The following PKIG variants were observed in gnomAD, a reference collection of about 807,000 sequenced individuals.
The protein encoded by PKIG is protein kinase (cAMP-dependent, catalytic) inhibitor gamma.
PKIG carries 1 observed loss-of-function variant against 6.8 expected under a neutral mutation model. That is an observed-to-expected ratio of 0.15 (90% CI 0.05 to 0.69). The LOEUF (loss-of-function observed/expected upper bound fraction) is 0.69. PKIG is among the 30% of genes least tolerant of loss of function. PKIG has a pLI of 0.82. For synonymous variants in PKIG, 39 were observed against 43.0 expected (o/e 0.91, Z 0.36); for missense variants, 77 against 104.0 (o/e 0.74, Z 1.13).
chr20:44,592,736 T>C (rs1408327056), intron 2 of PKIG, among the ~76,000 whole-genome samples: 1 of 152,048 alleles, frequency 6.6e-6, no homozygotes, highest in South Asian at 2.1e-4. Flanking sequence ...CTGAAGCCAG[T>C]GGAGAGAGTA....
intron 1 of PKIG, among the ~76,000 whole-genome samples, chr20:44,551,531 G>C (rs2064668522): frequency 1.3e-5 from 2 of 152,098 alleles, no homozygotes; most frequent in Non-Finnish European, 2.9e-5. Context: ...GACAATTTTT[G>C]TTTCTATAAG....
upstream of PKIG, among the ~76,000 whole-genome samples, chr20:44,581,452 C>T (rs2064947590): frequency 6.6e-6 from 1 of 152,218 alleles, no homozygotes; most frequent in Non-Finnish European, 1.5e-5. Flanking sequence ...CTCAGATCCA[C>T]ATCTGTGGCT....
At chr20:44,549,160 AC>A (rs1162741460) in intron 1 of PKIG, among the ~76,000 whole-genome samples, 1 of 152,220 alleles carries the variant, frequency 6.6e-6, no homozygotes, top group Admixed American at 6.5e-5. Flanking sequence ...TTTTTCAGAT[AC>A]TAAACTTTTG....
rs1600912579 is a variant in PKIG at position 44,618,907 on chromosome 20, C to T, written c.*543C>T. ...ACTGTCATTGTGCATCTCTGAGGTT[C>T]CCTCATGGAGCTCCACAGATCCATT... On this transcript the variant is annotated 3_prime_UTR_variant, in exon 4 of 4. Transcript: ENST00000372886. 6.4e-6 allele frequency: 1 copy of T among 156,986 alleles called. No individual in the cohort carries two copies. The highest frequency in any genetic ancestry group is 2.4e-5 in the African/African-American group (1 of 41,478). 9.7% of individuals were successfully genotyped at this position (156,986 alleles called of 1,614,324 possible). A position where few individuals can be genotyped will look rare whatever the true frequency, so the allele number is the denominator to read the frequency against.
intron 1 of PKIG, among the ~76,000 whole-genome samples, chr20:44,586,231 C>G (rs188520015): frequency 6.6e-6 from 1 of 152,294 alleles, no homozygotes; most frequent in East Asian, 1.9e-4. Flanking sequence ...TGAGATAGGG[C>G]TCATAAAGCA....
At chr20:44,531,886 C>G (rs895876270), upstream of PKIG, 1 of 152,012 alleles carries the variant, frequency 6.6e-6, no homozygotes, top group African/African-American at 2.4e-5. Flanking sequence ...AGGCAACGGG[C>G]TCCGCTGCGG....
chr20:44,608,052 T>C (rs1200748657), intron 2 of PKIG, among the ~76,000 whole-genome samples: 2 of 151,788 alleles, frequency 1.3e-5, no homozygotes, highest in East Asian at 3.9e-4. Flanking sequence ...GGGGAACATA[T>C]ATATTGCATA....
intron 2 of PKIG, among the ~76,000 whole-genome samples, chr20:44,611,679 G>C (rs745665012): frequency 6.6e-6 from 1 of 151,708 alleles, no homozygotes; most frequent in African/African-American, 2.4e-5. Flanking sequence ...ACCACGCCTG[G>C]CTAATTTTTG....
intron 1 of PKIG, among the ~76,000 whole-genome samples, chr20:44,536,142 T>C (rs574122983): frequency 6.6e-6 from 1 of 152,376 alleles, no homozygotes; most frequent in South Asian, 2.1e-4. Flanking sequence ...GTGTCAGAAT[T>C]TCATTCTTTT....
At chr20:44,548,037 G>C (rs2064632086) in intron 1 of PKIG, among the ~76,000 whole-genome samples, 1 of 152,018 alleles carries the variant, frequency 6.6e-6, no homozygotes, top group South Asian at 2.1e-4. Flanking sequence ...AAATTAGCCG[G>C]GTGTGGTGTT....
At chr20:44,572,828 C>T (rs987575267) in intron 1 of PKIG, among the ~76,000 whole-genome samples, 1 of 152,120 alleles carries the variant, frequency 6.6e-6, no homozygotes, top group African/African-American at 2.4e-5. Flanking sequence ...CTTCAGCTAC[C>T]CTGACTTGAG....
intron 1 of PKIG, among the ~76,000 whole-genome samples, chr20:44,570,066 G>A (rs555246799): frequency 1.6e-4 from 25 of 152,248 alleles, no homozygotes; most frequent in Non-Finnish European, 3.1e-4. Flanking sequence ...AGGAGTTTGA[G>A]GTTACAGCGA....
chr20:44,609,492 C>G (rs2065194494), intron 2 of PKIG, among the ~76,000 whole-genome samples: 1 of 152,206 alleles, frequency 6.6e-6, no homozygotes. Flanking sequence ...CCACAGAGGA[C>G]AGGCGGGCAG....
At chr20:44,550,798 G>A (rs1357630012) in intron 1 of PKIG, among the ~76,000 whole-genome samples, 1 of 152,188 alleles carries the variant, frequency 6.6e-6, no homozygotes, top group Non-Finnish European at 1.5e-5. Flanking sequence ...GAGCTCTAGA[G>A]TCAGTGGTCT....
chr20:44,613,334 T>A (rs988320861), intron 2 of PKIG, among the ~76,000 whole-genome samples: 2 of 151,898 alleles, frequency 1.3e-5, no homozygotes, highest in East Asian at 3.9e-4. Context: ...CCCGGCTAAT[T>A]TTTTTGTATT....
chr20:44,591,864 C>T (rs1011908199), intron 2 of PKIG, among the ~76,000 whole-genome samples: 5 of 152,162 alleles, frequency 3.3e-5, no homozygotes, highest in South Asian at 2.1e-4. Flanking sequence ...AATCCTCAAG[C>T]GCACATTAAG....
intron 1 of PKIG, among the ~76,000 whole-genome samples, chr20:44,585,754 G>A (rs2064984665): frequency 6.6e-6 from 1 of 152,246 alleles, no homozygotes; most frequent in Admixed American, 6.5e-5. Flanking sequence ...GTGTTCTCCA[G>A]TTCATTACCA....
At chr20:44,566,354 G>A (rs547508605) in intron 1 of PKIG, among the ~76,000 whole-genome samples, 2 of 152,192 alleles carry the variant, frequency 1.3e-5, no homozygotes, top group South Asian at 2.1e-4. Context: ...TTTACTAGCC[G>A]CTGTTGTAAT....
At chr20:44,563,404 C>G (rs971334360) in intron 1 of PKIG, among the ~76,000 whole-genome samples, 1 of 151,244 alleles carries the variant, frequency 6.6e-6, no homozygotes, top group Admixed American at 6.6e-5. Context: ...TTCTGTGGGT[C>G]GGAAGTTTGG....
Sources: allele counts gnomAD v4.1 joint callset (sites outside exome capture counted in the v4.1 genomes callset), GRCh38; gene constraint gnomAD v4.1.1; transcripts MANE v1.5; gene names NCBI Gene and HGNC (gene_info 2026-07-23, HGNC 2026-07-21).